The following CTNNA2 variants were observed in gnomAD, a reference collection of about 807,000 sequenced individuals.
The protein encoded by CTNNA2 is catenin alpha-2.
CTNNA2 carries 42 observed loss-of-function variants against 101.0 expected under a neutral mutation model. That is an observed-to-expected ratio of 0.42 (90% CI 0.32 to 0.54). The LOEUF is 0.54. Ranked by LOEUF, CTNNA2 falls within the 20% of genes least tolerant of loss-of-function variation. The pLI is 0.14. For synonymous variants in CTNNA2, 450 were observed against 456.4 expected (o/e 0.99, Z 0.18); for missense variants, 871 against 1,223.1 (o/e 0.71, Z 4.29).
At chr2:79,996,564 G>A (rs1222865815) in intron 7 of CTNNA2, among the ~76,000 whole-genome samples, 1 of 152,154 alleles carries the variant, frequency 6.6e-6, no homozygotes, top group Non-Finnish European at 1.5e-5. Flanking sequence ...TTATCAGAAA[G>A]CAGCTCTGGA....
intron 2 of CTNNA2, among the ~76,000 whole-genome samples, chr2:79,228,702 C>T (rs573141343): frequency 1.3e-5 from 2 of 150,462 alleles, no homozygotes; most frequent in Non-Finnish European, 3.0e-5. Context: ...TGCAGGCTGT[C>T]TGTTTACTCT....
chr2:80,514,486 C>A (rs532888484), intron 9 of CTNNA2, among the ~76,000 whole-genome samples: 1 of 152,274 alleles, frequency 6.6e-6, no homozygotes, highest in African/African-American at 2.4e-5. Context: ...TTTCTGGGTA[C>A]CCACACTCGG....
intron 7 of CTNNA2, among the ~76,000 whole-genome samples, chr2:80,333,786 G>T (rs1208610498): frequency 6.6e-6 from 1 of 152,150 alleles, no homozygotes; most frequent in Non-Finnish European, 1.5e-5. Context: ...ATCATGCCCA[G>T]CTAATTTTTG....
intron 7 of CTNNA2, among the ~76,000 whole-genome samples, chr2:79,936,475 C>G (rs1687798755): frequency 6.6e-6 from 1 of 152,016 alleles, no homozygotes. Context: ...TTGGCTCTTG[C>G]CTGCAACCGG....
rs1379508456 is a variant in CTNNA2 at position 80,569,432 on chromosome 2, G to A, written c.1742-4731G>A. ...TTCTGATAAATAACTGTAAAGTGGTGCCTACAGTTTTTGGATGTAATTCAG... is the reference window on the plus strand; with the variant it reads ...TTCTGATAAATAACTGTAAAGTGGTACCTACAGTTTTTGGATGTAATTCAG... On this transcript the variant is annotated intron_variant, in intron 12 of 18. Coordinates refer to ENST00000402739, the MANE Select transcript of CTNNA2 (RefSeq NM_001282597.3). 2.0e-5 allele frequency among the ~76,000 whole-genome samples: 3 copies of A among 151,982 alleles called. No individual in the cohort carries two copies. The East Asian group carries it at 5.8e-4, about 29-fold the overall frequency.
intron 12 of CTNNA2, among the ~76,000 whole-genome samples, chr2:80,557,705 T>C (rs773100821): frequency 1.3e-5 from 2 of 152,224 alleles, no homozygotes; most frequent in Non-Finnish European, 2.9e-5. Flanking sequence ...CTTTTTCTTA[T>C]TGTATCTTGG....
chr2:79,830,136 C>T (rs1170872998), intron 3 of CTNNA2, among the ~76,000 whole-genome samples: 1 of 152,076 alleles, frequency 6.6e-6, no homozygotes, highest in African/African-American at 2.4e-5. Context: ...CTCTGGGGTG[C>T]AATACGAAAC....
chr2:80,320,189 A>G (rs1307264525), intron 7 of CTNNA2, among the ~76,000 whole-genome samples: 1 of 152,230 alleles, frequency 6.6e-6, no homozygotes, highest in African/African-American at 2.4e-5. Context: ...GAAAATAAAC[A>G]TAAAGTGATA....
intron 7 of CTNNA2, among the ~76,000 whole-genome samples, chr2:80,384,818 T>G (rs1676854038): frequency 1.3e-5 from 2 of 152,064 alleles, no homozygotes; most frequent in African/African-American, 2.4e-5. Flanking sequence ...CTCCAGACCT[T>G]GCCTGAGGTC....
chr2:79,504,026 A>T (rs1324420989), intron 4 of CTNNA2, among the ~76,000 whole-genome samples: 3 of 152,102 alleles, frequency 2.0e-5, no homozygotes, highest in Non-Finnish European at 4.4e-5. Flanking sequence ...AGCTTAGACA[A>T]CCCAAAGAGG....
intron 7 of CTNNA2, among the ~76,000 whole-genome samples, chr2:80,205,655 T>C (rs1432078977): frequency 1.3e-5 from 2 of 152,198 alleles, no homozygotes; most frequent in Admixed American, 6.5e-5. Context: ...GCTCATGAGT[T>C]TCTTTTTTGT....
intron 9 of CTNNA2, among the ~76,000 whole-genome samples, chr2:80,429,056 C>G (rs545375959): frequency 1.3e-5 from 2 of 152,202 alleles, no homozygotes; most frequent in African/African-American, 4.8e-5. Flanking sequence ...GTTCAGCTCA[C>G]TTATGTTAAA....
chr2:80,638,968 C>T (rs1254684525), intron 18 of CTNNA2, among the ~76,000 whole-genome samples: 1 of 152,210 alleles, frequency 6.6e-6, no homozygotes, highest in African/African-American at 2.4e-5. Context: ...CCATTCCATA[C>T]AGATTTCCTC....
intron 9 of CTNNA2, among the ~76,000 whole-genome samples, chr2:80,492,121 G>C (rs1470238578): frequency 2.0e-5 from 3 of 152,166 alleles, no homozygotes; most frequent in African/African-American, 7.2e-5. Flanking sequence ...CTGGTAGGAG[G>C]TGATTGGATC....
intron 2 of CTNNA2, among the ~76,000 whole-genome samples, chr2:79,275,412 T>C (rs1239712090): frequency 6.6e-6 from 1 of 152,024 alleles, no homozygotes; most frequent in East Asian, 1.9e-4. Flanking sequence ...TAGGAACTCA[T>C]GAAGGTACTG....
At chr2:79,616,609 C>T (rs1448109689) in intron 1 of CTNNA2, among the ~76,000 whole-genome samples, 1 of 152,168 alleles carries the variant, frequency 6.6e-6, no homozygotes, top group African/African-American at 2.4e-5. Flanking sequence ...CACCCATCAC[C>T]TTCTAATTCA....
intron 9 of CTNNA2, among the ~76,000 whole-genome samples, chr2:80,468,117 C>T (rs188105500): frequency 7.2e-5 from 11 of 152,222 alleles, no homozygotes; most frequent in African/African-American, 2.6e-4. Flanking sequence ...AACCTGTGGC[C>T]TATTCTTTTG....
chr2:79,636,186 C>T (rs1478254502), intron 1 of CTNNA2, among the ~76,000 whole-genome samples: 4 of 138,454 alleles, frequency 2.9e-5, no homozygotes, highest in Non-Finnish European at 6.1e-5. Context: ...AGGAGAATGG[C>T]GTGGACCCGG....
chr2:80,037,123 T>C (rs1211677158), intron 7 of CTNNA2, among the ~76,000 whole-genome samples: 1 of 152,148 alleles, frequency 6.6e-6, no homozygotes, highest in Non-Finnish European at 1.5e-5. Flanking sequence ...CAGTTTCTCT[T>C]TTGCTAGCTG....
Sources: allele counts gnomAD v4.1 joint callset (sites outside exome capture counted in the v4.1 genomes callset), GRCh38; gene constraint gnomAD v4.1.1; transcripts MANE v1.5; gene names NCBI Gene and HGNC (gene_info 2026-07-23, HGNC 2026-07-21).